The following PRKN variants were observed in gnomAD, a reference collection of about 807,000 sequenced individuals.
PRKN encodes the protein parkin RBR E3 ubiquitin protein ligase.
A neutral mutation model predicts 59.5 loss-of-function variants in PRKN; 56 were observed. The observed-to-expected ratio is 0.94, with a 90% CI of 0.76 to 1.18. PRKN has a LOEUF of 1.18. Ranked by LOEUF, PRKN falls within the 50% of genes most tolerant of loss-of-function variation. The probability of loss-of-function intolerance (pLI) is 0.00; values close to 1 mark genes in which losing one functional copy is unlikely to be tolerated. For missense variants in PRKN, 657 were observed against 596.4 expected, an observed-to-expected ratio of 1.10 and a Z score of -1.06; for synonymous variants, 250 against 222.1, an observed-to-expected ratio of 1.13 and a Z score of -1.12.
At chr6:162,656,865 C>T (rs564949222) in intron 1 of PRKN, among the ~76,000 whole-genome samples, 1 of 152,270 alleles carries the variant, frequency 6.6e-6, no homozygotes, top group South Asian at 2.1e-4. Flanking sequence ...ATACTCCTCT[C>T]AATCCCAGGC....
rs200290708 is a variant in PRKN, at chr6:161,988,752, C to CA, written c.619-15336dup. ...ATCATAAACACAGAGAAGCGGAACCCAAAAAAAAATTGCAGAAAAGATCTT... is the reference window on the plus strand; with the variant it reads ...ATCATAAACACAGAGAAGCGGAACCCAAAAAAAAAATTGCAGAAAAGATCTT... On this transcript the variant is annotated intron_variant, in intron 5 of 11. Transcript: ENST00000366898. Among the ~76,000 whole-genome samples the CA allele has an allele frequency of 1.1e-4, 16 of 150,368 alleles. No homozygotes were observed. The South Asian group carries it at 1.5e-3, about 14-fold the overall frequency.
At chr6:161,670,720 G>A (rs184762744) in intron 7 of PRKN, among the ~76,000 whole-genome samples, 1 of 152,264 alleles carries the variant, frequency 6.6e-6, no homozygotes, top group African/African-American at 2.4e-5. Flanking sequence ...GGAGGCTGAG[G>A]CAGGAGAATG....
At chr6:162,494,849 TAACAG>T (rs1792986311) in intron 1 of PRKN, among the ~76,000 whole-genome samples, 1 of 152,196 alleles carries the variant, frequency 6.6e-6, no homozygotes, top group African/African-American at 2.4e-5. Context: ...GGGACTAAGC[TAACAG>T]AACCCTGGCT....
intron 5 of PRKN, among the ~76,000 whole-genome samples, chr6:162,021,146 A>C (rs1276254639): frequency 7.0e-5 from 1 of 14,242 alleles, no homozygotes; most frequent in Non-Finnish European, 1.3e-4. Flanking sequence ...ATATATATAT[A>C]TATATATATA....
intron 6 of PRKN, among the ~76,000 whole-genome samples, chr6:161,851,853 G>A (rs1793447788): frequency 1.3e-5 from 2 of 151,504 alleles, no homozygotes; most frequent in African/African-American, 2.4e-5. Flanking sequence ...TTTGGAGGCC[G>A]AGGCGGGCGG....
intron 7 of PRKN, among the ~76,000 whole-genome samples, chr6:161,731,553 C>T (rs373106100): frequency 1.1e-4 from 16 of 152,086 alleles, no homozygotes; most frequent in East Asian, 9.6e-4. Context: ...ATTGTGTACA[C>T]CGTGTATGCA....
intron 1 of PRKN, among the ~76,000 whole-genome samples, chr6:162,710,197 T>C (rs1246775347): frequency 6.6e-6 from 1 of 152,070 alleles, no homozygotes. Flanking sequence ...AGGCTGCTGC[T>C]TGAAAGCCAC....
At chr6:161,404,239 GCTAT>G (rs1787169594) in intron 9 of PRKN, among the ~76,000 whole-genome samples, 1 of 152,168 alleles carries the variant, frequency 6.6e-6, no homozygotes, top group South Asian at 2.1e-4. Flanking sequence ...TCTGAGAGCT[GCTAT>G]CTAAGTACTT....
At chr6:161,776,967 T>C (rs996375816) in intron 7 of PRKN, among the ~76,000 whole-genome samples, 8 of 152,350 alleles carry the variant, frequency 5.3e-5, no homozygotes, top group Non-Finnish European at 7.3e-5. Flanking sequence ...CTTCTTCCCA[T>C]AGAACTTTCA....
rs149374382 is a variant in PRKN, at chr6:162,448,822, C to A, written c.8-5349G>T. Among the ~76,000 whole-genome samples, 1,297 of 151,194 alleles carry A rather than the reference C, an allele frequency of 8.6e-3. 24 individuals are homozygous for A. Among genetic ancestry groups the A allele is most frequent in the African/African-American group, 0.031 (1,259 of 41,178 alleles). On this transcript the variant is annotated intron_variant, in intron 1 of 11. Transcript: ENST00000366898. ...TTTCTCTTTCTCTTTCTTTCTCTTC[C>A]TCCCTCCCTCCCTCCTTCCCTTCCT...
chr6:162,123,929 T>C (rs1238301919), intron 4 of PRKN, among the ~76,000 whole-genome samples: 1 of 152,092 alleles, frequency 6.6e-6, no homozygotes, highest in Non-Finnish European at 1.5e-5. Context: ...GAGGAGGCAC[T>C]AGAGGGAGAC....
intron 4 of PRKN, among the ~76,000 whole-genome samples, chr6:162,124,066 C>G (rs2128306282): frequency 6.6e-6 from 1 of 152,228 alleles, no homozygotes; most frequent in Admixed American, 6.5e-5. Flanking sequence ...AGCACTTAGT[C>G]CAAGCACCAG....
intron 4 of PRKN, among the ~76,000 whole-genome samples, chr6:162,070,147 A>G (rs1778514230): frequency 6.6e-6 from 1 of 152,226 alleles, no homozygotes; most frequent in African/African-American, 2.4e-5. Context: ...TTCATGTGTA[A>G]CTGCAGAACT....
intron 9 of PRKN, among the ~76,000 whole-genome samples, chr6:161,389,243 T>C (rs1786401567): frequency 6.6e-6 from 1 of 152,240 alleles, no homozygotes; most frequent in Non-Finnish European, 1.5e-5. Context: ...GTTTTCTCCT[T>C]TCCTACGTCC....
At chr6:161,970,180 T>C (rs1780746503) in intron 6 of PRKN, among the ~76,000 whole-genome samples, 1 of 152,028 alleles carries the variant, frequency 6.6e-6, no homozygotes, top group South Asian at 2.1e-4. Context: ...TAGCTGGGAC[T>C]ACAGGTGCAT....
intron 6 of PRKN, among the ~76,000 whole-genome samples, chr6:161,807,017 C>T (rs1791357647): frequency 6.6e-6 from 1 of 152,198 alleles, no homozygotes; most frequent in Non-Finnish European, 1.5e-5. Flanking sequence ...AGGTTGTCTT[C>T]ATTCCTTTGA....
At chr6:162,396,380 CTAGTCCCTTTGTTTT>C (rs1416513443) in intron 2 of PRKN, among the ~76,000 whole-genome samples, 5 of 152,142 alleles carry the variant, frequency 3.3e-5, no homozygotes, top group African/African-American at 4.8e-5. Flanking sequence ...ATCGAGCCAG[CTAGTCCCTTTGTTTT>C]TAGGTGGGAC....
intron 6 of PRKN, among the ~76,000 whole-genome samples, chr6:161,863,848 C>T (rs1794004030): frequency 6.6e-6 from 1 of 152,142 alleles, no homozygotes; most frequent in South Asian, 2.1e-4. Flanking sequence ...GTTTTGGTTT[C>T]CCAGTGCATA....
intron 2 of PRKN, among the ~76,000 whole-genome samples, chr6:162,314,840 A>C (rs1782676874): frequency 6.6e-6 from 1 of 152,126 alleles, no homozygotes; most frequent in Non-Finnish European, 1.5e-5. Context: ...CTCTTGCCAC[A>C]CTGTTGTCTT....
Sources: gnomAD v4.1 joint callset for allele counts (sites outside exome capture counted in the v4.1 genomes callset) on GRCh38, gnomAD v4.1.1 for gene constraint, MANE v1.5 for transcripts, NCBI Gene and HGNC (gene_info 2026-07-23, HGNC 2026-07-21) for gene names.